Variants in RNF185 observed in about 807,000 individuals in gnomAD.
RNF185 encodes the protein E3 ubiquitin-protein ligase RNF185.
Under a neutral mutation model 24.9 loss-of-function variants are expected in RNF185, and 13 were observed. The ratio of observed to expected loss-of-function variants is 0.52; its 90% CI spans 0.34 to 0.83. RNF185 has a LOEUF of 0.83. Among genes scored for constraint, RNF185 ranks in the 40% least tolerant of loss-of-function variants. RNF185 has a pLI of 0.01. For synonymous variants in RNF185, 79 were observed against 90.3 expected (o/e 0.88, Z 0.71); for missense variants, 184 against 244.7 (o/e 0.75, Z 1.65).
intron 1 of RNF185, among the ~76,000 whole-genome samples, chr22:31,182,619 C>T (rs1405609918): frequency 1.3e-5 from 2 of 151,820 alleles, no homozygotes; most frequent in African/African-American, 4.8e-5. Flanking sequence ...TCCTTCATAT[C>T]GAGTAATACC....
intron 1 of RNF185, among the ~76,000 whole-genome samples, chr22:31,163,767 G>A (rs911196642): frequency 4.6e-5 from 7 of 151,166 alleles, no homozygotes; most frequent in East Asian, 1.9e-4. Context: ...TCCACCTCCC[G>A]GGCTCAAGCA....
intron 1 of RNF185, among the ~76,000 whole-genome samples, chr22:31,173,416 G>GACACACACAC (rs55812227): frequency 0.16 from 23,720 of 146,618 alleles, 2,923 homozygotes; most frequent in African/African-American, 0.34. Flanking sequence ...CACACACACA[G>GACACACACAC]ACACACACAC....
Position 31,206,160 on chromosome 22 carries a change from C to T in RNF185, c.*1574C>T. On this transcript the variant is annotated 3_prime_UTR_variant, in exon 7 of 7. Coordinates refer to ENST00000326132, the MANE Select transcript of RNF185 (RefSeq NM_152267.4). ...ATTATGACTGCATAGTTTATGGAAA[C>T]AAAGATCTTGAGGAAGATGAGGGAA... 6.5e-6 allele frequency: 1 copy of T among 153,146 alleles called. No homozygotes were observed. The highest frequency in any genetic ancestry group is 1.5e-5 in the Non-Finnish European group (1 of 68,162). The allele number at this position is 153,146 out of a possible 1,614,324, so 9.5% of individuals were successfully genotyped here.
intron 6 of RNF185, among the ~76,000 whole-genome samples, chr22:31,204,047 G>GAC (rs2048290270): frequency 8.9e-6 from 1 of 112,034 alleles, no homozygotes; most frequent in South Asian, 2.7e-4. Flanking sequence ...ACCTCAAAAA[G>GAC]AAAAAAAAAA....
intron 1 of RNF185, among the ~76,000 whole-genome samples, chr22:31,172,212 G>A (rs1477074059): frequency 1.3e-5 from 2 of 152,158 alleles, no homozygotes; most frequent in African/African-American, 4.8e-5. Flanking sequence ...ACCTGGCCAG[G>A]TGTGGTGGCT....
chr22:31,192,996 T>C (rs951989623), intron 3 of RNF185, among the ~76,000 whole-genome samples: 1 of 152,234 alleles, frequency 6.6e-6, no homozygotes, highest in Non-Finnish European at 1.5e-5. Context: ...TCTGCTTCTA[T>C]TAAAACAGTG....
intron 6 of RNF185, among the ~76,000 whole-genome samples, chr22:31,203,764 G>C (rs935795706): frequency 6.6e-6 from 1 of 152,060 alleles, no homozygotes; most frequent in African/African-American, 2.4e-5. Flanking sequence ...GGCTGGGCGC[G>C]ATGGCTCATG....
intron 1 of RNF185, among the ~76,000 whole-genome samples, chr22:31,182,312 C>T (rs766515348): frequency 6.6e-5 from 10 of 151,420 alleles, no homozygotes; most frequent in Non-Finnish European, 1.3e-4. Flanking sequence ...TTTTTTGAGA[C>T]AGAGTCACTA....
At chr22:31,199,528 GT>G (rs1361038477) in intron 5 of RNF185, among the ~76,000 whole-genome samples, 9 of 152,192 alleles carry the variant, frequency 5.9e-5, no homozygotes, top group Non-Finnish European at 1.0e-4. Context: ...TACTAGCGAT[GT>G]TTTTTTGCAT....
intron 3 of RNF185, among the ~76,000 whole-genome samples, chr22:31,193,268 A>C (rs1286562777): frequency 1.3e-5 from 2 of 152,216 alleles, no homozygotes; most frequent in Non-Finnish European, 2.9e-5. Context: ...GGAGGACAGA[A>C]GTTCCAGACT....
intron 1 of RNF185, among the ~76,000 whole-genome samples, chr22:31,162,243 C>T (rs1186901962): frequency 6.6e-6 from 1 of 152,148 alleles, no homozygotes; most frequent in East Asian, 1.9e-4. Flanking sequence ...CAGTTATCGA[C>T]TTGTGTTTCC....
At chr22:31,199,775 C>T (rs1432968074) in intron 5 of RNF185, among the ~76,000 whole-genome samples, 1 of 152,174 alleles carries the variant, frequency 6.6e-6, no homozygotes, top group East Asian at 1.9e-4. Flanking sequence ...TCTTTGTTTT[C>T]CCTCCCTTTA....
At chr22:31,162,618 CTT>C (rs11311405) in intron 1 of RNF185, among the ~76,000 whole-genome samples, 329 of 145,126 alleles carry the variant, frequency 2.3e-3, no homozygotes, top group Admixed American at 2.4e-3. Flanking sequence ...GATGTCAAAT[CTT>C]TTTTTTTTTT....
At chr22:31,176,416 A>G (rs532776401) in intron 1 of RNF185, among the ~76,000 whole-genome samples, 71 of 151,724 alleles carry the variant, frequency 4.7e-4, no homozygotes, top group African/African-American at 1.7e-3. Context: ...CTAGGAATGC[A>G]GGTATGACCC....
chr22:31,181,163 C>T (rs1420232537), intron 1 of RNF185, among the ~76,000 whole-genome samples: 2 of 151,690 alleles, frequency 1.3e-5, no homozygotes, highest in East Asian at 3.9e-4. Context: ...CCCTGGGCAA[C>T]ATAGACCTTG....
chr22:31,192,599 A>T (rs1043687117), intron 2 of RNF185, 85 bp from the exon 3 acceptor site: 1 of 1,154,376 alleles, frequency 8.7e-7, no homozygotes. Context: ...CCACCCATCA[A>T]GTGTTTCTGC....
chr22:31,187,353 TTCCTGCTC>T, intron 2 of RNF185, 83 bp downstream of exon 2: 1 of 1,442,172 alleles, frequency 6.9e-7, no homozygotes, highest in Non-Finnish European at 9.6e-7. Context: ...AGCAGAATGC[TTCCTGCTC>T]ACTTTGGGAA....
At chr22:31,166,047 A>C (rs550520359) in intron 1 of RNF185, among the ~76,000 whole-genome samples, 1 of 152,246 alleles carries the variant, frequency 6.6e-6, no homozygotes, top group South Asian at 2.1e-4. Flanking sequence ...GCTGGAGTGC[A>C]GTGGCACAGT....
At chr22:31,168,710 C>T (rs1924091366) in intron 1 of RNF185, among the ~76,000 whole-genome samples, 1 of 152,194 alleles carries the variant, frequency 6.6e-6, no homozygotes, top group African/African-American at 2.4e-5. Flanking sequence ...TATTTCTCTA[C>T]ATCCTTGCCA....
Sources: gnomAD v4.1 joint callset for allele counts (sites outside exome capture counted in the v4.1 genomes callset) on GRCh38, gnomAD v4.1.1 for gene constraint, MANE v1.5 for transcripts, NCBI Gene and HGNC (gene_info 2026-07-23, HGNC 2026-07-21) for gene names.